FCN2: variants seen among roughly 807,000 people sequenced by gnomAD.
FCN2 encodes the protein ficolin 2.
FCN2 carries 31 observed loss-of-function variants against 32.5 expected under a neutral mutation model. The observed-to-expected ratio is 0.96, with a 90% CI of 0.72 to 1.29. FCN2 has a LOEUF of 1.29. Ranked by LOEUF, FCN2 falls within the 50% of genes most tolerant of loss-of-function variation. The pLI is 0.00. For synonymous variants in FCN2, 181 were observed against 164.5 expected, an observed-to-expected ratio of 1.10 and a Z score of -0.77; for missense variants, 412 against 406.5, an observed-to-expected ratio of 1.01 and a Z score of -0.12.
At chr9:134,882,856 T>C (rs77862660) in intron 2 of FCN2, among the ~76,000 whole-genome samples, 3,181 of 152,304 alleles carry the variant, frequency 0.021, 166 homozygotes, top group East Asian at 0.14. Flanking sequence ...CATGCTTCTG[T>C]AGCTCTGTCT....
At chr9:134,873,017 T>C in the FCN2 span, among the ~76,000 whole-genome samples, 1 of 152,176 alleles carries the variant, frequency 6.6e-6, no homozygotes, top group South Asian at 2.1e-4. Context: ...CCGTTTTCCT[T>C]ATGACTGATG....
At position 134,887,462 on chromosome 9, in the gene FCN2, G is replaced by A. The variant is rs575064944; in HGVS notation, c.*47G>A. The A allele has an allele frequency of 3.5e-4, 555 of 1,595,432 alleles. 3 individuals carry two copies. In the African/African-American group the frequency reaches 6.8e-3, roughly 19 times the overall value. On this transcript the variant is annotated 3_prime_UTR_variant, in exon 8 of 8. Coordinates refer to ENST00000291744, the MANE Select transcript of FCN2 (RefSeq NM_004108.3). ...GGACGCCTCCACACATAGTTGGTTGGGGGGTAGGGTTGGGAGCTTGGCCCT... is the reference window on the plus strand; with the variant it reads ...GGACGCCTCCACACATAGTTGGTTGAGGGGTAGGGTTGGGAGCTTGGCCCT...
chr9:134,883,672 C>T (rs1180443111), intron 3 of FCN2, among the ~76,000 whole-genome samples: 1 of 132,044 alleles, frequency 7.6e-6, no homozygotes, highest in Admixed American at 7.8e-5. Flanking sequence ...AGGAGGGGTT[C>T]TTGGTGGTGT....
At chr9:134,865,387 G>T in the FCN2 span, among the ~76,000 whole-genome samples, 1 of 152,186 alleles carries the variant, frequency 6.6e-6, no homozygotes, top group Non-Finnish European at 1.5e-5. Context: ...GAGCCTGCTC[G>T]TGGTGGACCA....
At chr9:134,870,307 C>T in the FCN2 span, among the ~76,000 whole-genome samples, 3 of 152,186 alleles carry the variant, frequency 2.0e-5, no homozygotes, top group Non-Finnish European at 2.9e-5. The surrounding 1 kb of genome is among the most constrained non-coding windows in gnomAD (Gnocchi z 4.3). Flanking sequence ...CTGGCCCACC[C>T]GGCCTAGTGT....
chr9:134,887,114 C>A, intron 7 of FCN2, 54 bp from the exon 8 acceptor site: 4 of 1,608,288 alleles, frequency 2.5e-6, no homozygotes, highest in Non-Finnish European at 2.6e-6. Context: ...AAGACTTATA[C>A]TGTCTGTAAT....
the FCN2 span, among the ~76,000 whole-genome samples, chr9:134,870,335 G>A: frequency 1.3e-5 from 2 of 152,282 alleles, no homozygotes; most frequent in Non-Finnish European, 2.9e-5. The surrounding 1 kb of genome is among the most constrained non-coding windows in gnomAD (Gnocchi z 4.3). Flanking sequence ...GAGGTCCGTG[G>A]GCTCACTGGG....
rs937257716 is a variant in FCN2, at chr9:134,887,505, C to A, written c.*90C>A. ...TTGGCCCTACGGTTTGTAAAAGAAA[C>A]ACATGTCGTGATTCTAAATTGGGTT... is the stretch of plus-strand genomic sequence containing the variant. On this transcript the variant is annotated 3_prime_UTR_variant, in exon 8 of 8. Transcript: ENST00000291744. 270 of 1,266,090 alleles carry A rather than the reference C, an allele frequency of 2.1e-4. 2 individuals are homozygous for A. The highest frequency in any genetic ancestry group is 2.6e-4 in the Non-Finnish European group (233 of 882,052). The allele number at this position is 1,266,090 out of a possible 1,614,324, so 78.4% of individuals were successfully genotyped here.
intron 2 of FCN2, 59 bp downstream of exon 2, chr9:134,882,698 G>T (rs1830682583): frequency 8.2e-7 from 1 of 1,221,070 alleles, no homozygotes; most frequent in African/African-American, 1.5e-5. Context: ...CAGATGCTGA[G>T]TTGGGCAACA....
At chr9:134,886,325 T>C in intron 6 of FCN2, 105 bp from the exon 7 acceptor site, 1 of 1,361,922 alleles carries the variant, frequency 7.3e-7, no homozygotes, top group Non-Finnish European at 1.0e-6. Context: ...GCCCTCTGCC[T>C]CCATGGAGTC....
intron 3 of FCN2, among the ~76,000 whole-genome samples, chr9:134,884,211 A>C (rs951714187): frequency 6.6e-6 from 1 of 152,184 alleles, no homozygotes; most frequent in African/African-American, 2.4e-5. Context: ...ATTTTGAGGA[A>C]TCGGAGAAAT....
intron 6 of FCN2, 136 bp from the exon 7 acceptor site, chr9:134,886,294 G>C (rs76328175): frequency 2.0e-6 from 2 of 1,025,296 alleles, no homozygotes; most frequent in African/African-American, 3.2e-5. Context: ...CACAGGCCCC[G>C]GGGATGCTGC....
chr9:134,882,444 TTTCAG>T, intron 1 of FCN2, 77 bp from the exon 2 acceptor site: 2 of 1,152,672 alleles, frequency 1.7e-6, no homozygotes, highest in Non-Finnish European at 2.6e-6. Flanking sequence ...GGCAGATGCC[TTTCAG>T]TTGAGTGGTA....
At chr9:134,884,704 A>G (rs777952465) in intron 3 of FCN2, 36 bp from the exon 4 acceptor site, 1 of 1,611,656 alleles carries the variant, frequency 6.2e-7, no homozygotes, top group South Asian at 1.1e-5. Flanking sequence ...TGATTTCCAA[A>G]CTGTGACACG....
chr9:134,875,410 G>T, the FCN2 span, among the ~76,000 whole-genome samples: 1 of 58,794 alleles, frequency 1.7e-5, no homozygotes, highest in Non-Finnish European at 3.7e-5. Context: ...TCACAGCCAT[G>T]TCTGGTCCCC....
intron 2 of FCN2, 117 bp from the exon 3 acceptor site, chr9:134,883,185 T>C: frequency 2.2e-6 from 2 of 916,742 alleles, no homozygotes; most frequent in Admixed American, 3.5e-5. Context: ...CACAGTCACG[T>C]CGTAGCACGA....
the FCN2 span, among the ~76,000 whole-genome samples, chr9:134,874,898 C>G: frequency 6.6e-6 from 1 of 152,020 alleles, no homozygotes; most frequent in Admixed American, 6.5e-5. Context: ...TTGTAGTTTT[C>G]TGAATAGGTC....
intron 3 of FCN2, 114 bp from the exon 4 acceptor site, chr9:134,884,626 C>T (rs1021973079): frequency 9.4e-7 from 1 of 1,064,746 alleles, no homozygotes; most frequent in African/African-American, 1.6e-5. Flanking sequence ...CTTGGCTGGA[C>T]CCATACCATC....
rs185345985 is a variant in FCN2 at position 134,886,363 on chromosome 9, A to C, written c.560-67A>C. ...GACCTCCTTCCAGGCCCTGCCCCAG[A>C]TCCCCAGCTCCCATGTCTAAAGGTA... On this transcript the variant is annotated intron_variant, in intron 6 of 7. Coordinates refer to ENST00000291744, the MANE Select transcript of FCN2 (RefSeq NM_004108.3). 688 of 1,597,666 alleles carry C rather than the reference A, an allele frequency of 4.3e-4. 1 individual carries two copies. In the African/African-American group the frequency reaches 8.2e-3, roughly 19 times the overall value.
Sources: gnomAD v4.1 joint callset for allele counts (sites outside exome capture counted in the v4.1 genomes callset) on GRCh38, gnomAD v4.1.1 for gene constraint, Gnocchi (gnomAD v3.1) non-coding constraint, MANE v1.5 for transcripts, NCBI Gene and HGNC (gene_info 2026-07-23, HGNC 2026-07-21) for gene names.